FAM3B: variants seen among roughly 807,000 people sequenced by gnomAD.
FAM3B encodes FAM3 metabolism regulating signaling molecule B.
A neutral mutation model predicts 28.4 loss-of-function variants in FAM3B; 29 were observed. The observed-to-expected ratio is 1.02, with a 90% CI of 0.76 to 1.39. The LOEUF is 1.39. FAM3B is among the 40% of genes most tolerant of loss of function. The pLI is 0.00. For missense variants in FAM3B, 266 were observed against 293.9 expected (o/e 0.91, Z 0.69); for synonymous variants, 91 against 103.0 (o/e 0.88, Z 0.71).
intron 7 of FAM3B, among the ~76,000 whole-genome samples, chr21:41,350,358 G>A (rs940638820): frequency 6.6e-6 from 1 of 152,206 alleles, no homozygotes; most frequent in Non-Finnish European, 1.5e-5. Flanking sequence ...CCAGCTGGCT[G>A]TGTGGTCTTG....
chr21:41,309,670 A>T (rs10439675), intron 1 of FAM3B, among the ~76,000 whole-genome samples: 1 of 152,042 alleles, frequency 6.6e-6, no homozygotes, highest in African/African-American at 2.4e-5. Flanking sequence ...CATTTGGCAC[A>T]TTCAGGAGAC....
chr21:41,331,825 GT>G (rs1473450992), intron 2 of FAM3B, among the ~76,000 whole-genome samples: 2 of 152,256 alleles, frequency 1.3e-5, no homozygotes, highest in Admixed American at 1.3e-4. Context: ...TCTTGCTTCT[GT>G]TTTCTGTCTA....
chr21:41,349,077 A>T (rs1220437266), intron 7 of FAM3B, among the ~76,000 whole-genome samples: 1 of 152,206 alleles, frequency 6.6e-6, no homozygotes, highest in Non-Finnish European at 1.5e-5. Flanking sequence ...GACATGGTGA[A>T]TGCAAAACAC....
chr21:41,329,269 G>A (rs188598199), intron 2 of FAM3B, among the ~76,000 whole-genome samples: 275 of 152,292 alleles, frequency 1.8e-3, no homozygotes, highest in African/African-American at 6.3e-3. Flanking sequence ...CCAGAAAAAA[G>A]CAATTTATAT....
chr21:41,321,073 C>T (rs1333965689), intron 1 of FAM3B: 3 of 152,200 alleles, frequency 2.0e-5, no homozygotes, highest in Non-Finnish European at 1.5e-5. Context: ...AGCCCCTGAA[C>T]ATTGTCTGGT....
chr21:41,314,288 A>G (rs1418552440), upstream of FAM3B, among the ~76,000 whole-genome samples: 2 of 152,214 alleles, frequency 1.3e-5, no homozygotes, highest in East Asian at 1.9e-4. Context: ...TTGACCTTAG[A>G]CTTTCCAGAC....
upstream of FAM3B, chr21:41,316,751 G>A (rs555437923): frequency 2.2e-6 from 2 of 891,198 alleles, no homozygotes; most frequent in South Asian, 3.0e-5. Flanking sequence ...GACTGGCCGC[G>A]CACCCAGCTG....
intron 5 of FAM3B, 66 bp downstream of exon 5, chr21:41,345,802 A>G (rs2089053476): frequency 9.6e-7 from 1 of 1,043,748 alleles, no homozygotes; most frequent in Non-Finnish European, 1.5e-6. Flanking sequence ...TAAAAAGCAC[A>G]AAGAAAAATG....
chr21:41,334,900 G>A (rs1337413885), intron 2 of FAM3B, among the ~76,000 whole-genome samples: 1 of 152,226 alleles, frequency 6.6e-6, no homozygotes, highest in Non-Finnish European at 1.5e-5. Flanking sequence ...AGCTGCCCAA[G>A]GCCTTGAGAG....
rs905635528 is a variant in FAM3B at position 41,350,625 on chromosome 21, G to T, written c.618+1901G>T. ...AACTTGGGTCTCCCCAAAAACCAGT[G>T]ATGTCCAGGCTGTGCGCAGGACAAC... On this transcript the variant is annotated intron_variant, in intron 7 of 7. Transcript: ENST00000357985. Among the ~76,000 whole-genome samples, 114 of 152,214 alleles carry T rather than the reference G, an allele frequency of 7.5e-4. 1 individual carries two copies. Among genetic ancestry groups the T allele is most frequent in the Non-Finnish European group, 3.1e-4 (21 of 68,040 alleles).
chr21:41,318,565 G>T (rs890226206), intron 1 of FAM3B, among the ~76,000 whole-genome samples: 29 of 152,246 alleles, frequency 1.9e-4, no homozygotes, highest in African/African-American at 4.6e-4. Context: ...ACTGAGGCCA[G>T]CAGAGCCTGG....
chr21:41,351,483 C>G (rs1006443415), intron 7 of FAM3B, among the ~76,000 whole-genome samples: 1 of 152,148 alleles, frequency 6.6e-6, no homozygotes, highest in African/African-American at 2.4e-5. Context: ...GATGTTTGCT[C>G]AAATGTTGGT....
chr21:41,332,331 A>G (rs924913297), intron 2 of FAM3B, among the ~76,000 whole-genome samples: 14 of 152,224 alleles, frequency 9.2e-5, no homozygotes, highest in African/African-American at 3.1e-4. Flanking sequence ...AAATTACTCA[A>G]TCTTAGATAT....
At chr21:41,322,347 G>A (rs1284313606) in intron 1 of FAM3B, among the ~76,000 whole-genome samples, 2 of 152,292 alleles carry the variant, frequency 1.3e-5, no homozygotes, top group East Asian at 3.9e-4. Flanking sequence ...TGGCCCAGCA[G>A]GCACATCCGG....
chr21:41,337,247 C>A (rs1369751086), intron 2 of FAM3B, among the ~76,000 whole-genome samples: 1 of 152,196 alleles, frequency 6.6e-6, no homozygotes, highest in Non-Finnish European at 1.5e-5. Context: ...AGAGTGCTTT[C>A]TGAATTCCTT....
At chr21:41,309,742 T>A (rs1409361462) in intron 1 of FAM3B, among the ~76,000 whole-genome samples, 2 of 152,234 alleles carry the variant, frequency 1.3e-5, no homozygotes, top group Non-Finnish European at 2.9e-5. Context: ...GTTTAAAAGC[T>A]TAGACGCATT....
intron 2 of FAM3B, among the ~76,000 whole-genome samples, chr21:41,336,040 A>G (rs915722857): frequency 1.3e-5 from 2 of 152,194 alleles, no homozygotes; most frequent in Non-Finnish European, 2.9e-5. Context: ...TAAGACATGA[A>G]GACTTATGAA....
At position 41,311,271 on chromosome 21, in the gene FAM3B, T is replaced by A. The variant is rs866570830; in HGVS notation, n.99+6961T>A. Among the ~76,000 whole-genome samples the A allele has an allele frequency of 9.2e-3, 592 of 64,058 alleles. 23 individuals carry two copies. Among genetic ancestry groups the A allele is most frequent in the African/African-American group, 0.02 (261 of 13,080 alleles). 42.0% of individuals were successfully genotyped at this position (64,058 alleles called of 152,430 possible). A position where few individuals can be genotyped will look rare whatever the true frequency, so the allele number is the denominator to read the frequency against. On this transcript the variant is annotated intron_variant and non_coding_transcript_variant, in intron 1 of 9. Transcript: ENST00000479810. The stretch of plus-strand genomic sequence containing the variant: ...AAAAAAATATATATATATATATATA[T>A]ATATATATATATATATATATATATA...
upstream of FAM3B, among the ~76,000 whole-genome samples, chr21:41,314,623 T>G (rs992257643): frequency 6.6e-6 from 1 of 152,164 alleles, no homozygotes; most frequent in African/African-American, 2.4e-5. Context: ...GCAAGGGACT[T>G]AAGTGGACAT....
Sources: allele counts gnomAD v4.1 joint callset (sites outside exome capture counted in the v4.1 genomes callset), GRCh38; gene constraint gnomAD v4.1.1; transcripts MANE v1.5; gene names NCBI Gene and HGNC (gene_info 2026-07-23, HGNC 2026-07-21).